The following FNTA variants were observed in gnomAD, a reference collection of about 807,000 sequenced individuals.
The protein encoded by FNTA is farnesyltransferase, CAAX box, subunit alpha.
A neutral mutation model predicts 55.2 loss-of-function variants in FNTA; 27 were observed. That is an observed-to-expected ratio of 0.49 (90% CI 0.36 to 0.67). FNTA has a LOEUF of 0.67. Among genes scored for constraint, FNTA ranks in the 30% least tolerant of loss-of-function variants. The pLI is 0.00. For missense variants in FNTA, 422 were observed against 464.7 expected (o/e 0.91, Z 0.85); for synonymous variants, 176 against 170.7 (o/e 1.03, Z -0.24).
intron 7 of FNTA, among the ~76,000 whole-genome samples, chr8:43,083,736 G>T (rs755865550): frequency 3.3e-5 from 5 of 152,170 alleles, no homozygotes; most frequent in Non-Finnish European, 7.4e-5. Context: ...CAGGGGAGGT[G>T]CCTGTAGTAT....
At chr8:43,063,945 T>A (rs1479727814) in intron 2 of FNTA, among the ~76,000 whole-genome samples, 156 bp from the exon 3 acceptor site, 1 of 152,220 alleles carries the variant, frequency 6.6e-6, no homozygotes, top group East Asian at 1.9e-4. Context: ...TAGGGCATTA[T>A]TAGGGTGGCG....
intron 5 of FNTA, chr8:43,077,015 A>G: frequency 2.4e-6 from 1 of 410,110 alleles, no homozygotes; most frequent in Non-Finnish European, 4.3e-6. Context: ...TGCTTTCTGT[A>G]TGTGTCTTTC....
intron 4 of FNTA, 40 bp downstream of exon 4, chr8:43,069,699 C>T (rs1810743402): frequency 1.6e-6 from 2 of 1,283,748 alleles, no homozygotes; most frequent in East Asian, 2.3e-5. Flanking sequence ...GGCTGGAGTG[C>T]AGTGGCATGA....
chr8:43,081,016 G>A (rs1174679628), intron 6 of FNTA: 4 of 152,174 alleles, frequency 2.6e-5, no homozygotes, highest in South Asian at 2.1e-4. Flanking sequence ...TATTTAAAAT[G>A]TGAAGAGTAG....
At chr8:43,061,436 A>G (rs561563731) in intron 2 of FNTA, among the ~76,000 whole-genome samples, 1 of 152,340 alleles carries the variant, frequency 6.6e-6, no homozygotes, top group South Asian at 2.1e-4. Context: ...CTATAGATGT[A>G]GTAAATTATT....
intron 5 of FNTA, among the ~76,000 whole-genome samples, chr8:43,075,224 G>A (rs576656073): frequency 1.1e-4 from 17 of 152,264 alleles, no homozygotes; most frequent in African/African-American, 4.1e-4. Flanking sequence ...TGAGAACAGT[G>A]GGAGGACACC....
intron 1 of FNTA, among the ~76,000 whole-genome samples, chr8:43,057,562 T>C (rs755036502): frequency 2.0e-5 from 3 of 152,180 alleles, no homozygotes; most frequent in Non-Finnish European, 4.4e-5. Flanking sequence ...GGTCATGATT[T>C]CACTTGTATT....
intron 3 of FNTA, among the ~76,000 whole-genome samples, chr8:43,068,514 T>C (rs998212540): frequency 1.3e-5 from 2 of 152,246 alleles, no homozygotes; most frequent in Non-Finnish European, 2.9e-5. Flanking sequence ...TGTTAATGTT[T>C]ATAATAGAAT....
chr8:43,071,766 A>G (rs1810798511), intron 4 of FNTA, among the ~76,000 whole-genome samples: 1 of 151,874 alleles, frequency 6.6e-6, no homozygotes, highest in African/African-American at 2.4e-5. Context: ...TTGCCAGTGT[A>G]GCAGTAAATT....
At chr8:43,064,437 T>A (rs1440047122) in intron 3 of FNTA, among the ~76,000 whole-genome samples, 1 of 151,646 alleles carries the variant, frequency 6.6e-6, no homozygotes, top group African/African-American at 2.4e-5. Context: ...CTCAGCCTTC[T>A]GAGTAGCTGG....
At position 43,069,594 on chromosome 8, in the gene FNTA, T is replaced by C; in HGVS notation, c.441T>C (p.Asp147=). The change falls in exon 4 of 9, where the codon GAT becomes GAC. Residue 147 remains aspartate, a synonymous_variant. Coordinates refer to ENST00000302279, the MANE Select transcript of FNTA (RefSeq NM_002027.3). The stretch of plus-strand genomic sequence containing the variant: ...TTCTTTTGAAGTCACTTCAGAAGGA[T>C]CTACATGAGGAAATGAACTACATCA... ...RRVLLKSLQK[D]LHEEMNYITA... is the part of the protein sequence containing the mutation. The C allele has an allele frequency of 6.2e-7, 1 of 1,613,694 alleles. No homozygotes were observed. Among genetic ancestry groups the C allele is most frequent in the Non-Finnish European group, 8.5e-7 (1 of 1,179,654 alleles).
At chr8:43,062,560 G>A (rs1383622269) in intron 2 of FNTA, among the ~76,000 whole-genome samples, 1 of 152,152 alleles carries the variant, frequency 6.6e-6, no homozygotes, top group Non-Finnish European at 1.5e-5. Flanking sequence ...GAGATTACAG[G>A]CCTGAGCCAC....
At chr8:43,079,915 G>A (rs903652328) in intron 6 of FNTA, 10 of 154,634 alleles carry the variant, frequency 6.5e-5, no homozygotes, top group African/African-American at 2.4e-4. Flanking sequence ...TTTAGAGGAA[G>A]AAGGAACTGC....
rs943142783 is a variant in FNTA at position 43,069,763 on chromosome 8, G to T, written c.506+104G>T. ...GGGTTCAAGTGATTCTCCAGCTTCA[G>T]CCTCCTGGGTAGCTGGGATTACAGG... On this transcript the variant is annotated intron_variant, in intron 4 of 8. Coordinates refer to ENST00000302279, the MANE Select transcript of FNTA (RefSeq NM_002027.3). 2.6e-5 allele frequency: 18 copies of T among 682,934 alleles called. No individual in the cohort carries two copies. In the African/African-American group the frequency reaches 2.9e-4, roughly 11 times the overall value. 42.3% of individuals were successfully genotyped at this position (682,934 alleles called of 1,614,324 possible).
At chr8:43,083,562 T>A (rs77670593) in intron 7 of FNTA, among the ~76,000 whole-genome samples, 1,574 of 152,310 alleles carry the variant, frequency 0.01, 42 homozygotes, top group South Asian at 0.095. Context: ...TCTGTTTTCA[T>A]TTCTAGAGAT....
intron 3 of FNTA, among the ~76,000 whole-genome samples, chr8:43,066,171 C>T (rs372537754): frequency 6.0e-5 from 9 of 149,858 alleles, no homozygotes; most frequent in African/African-American, 2.2e-4. Flanking sequence ...ATAATTTCAT[C>T]AATTTTATTT....
Position 43,056,365 on chromosome 8 carries a change from G to T in FNTA, c.19G>T (p.Val7Phe), listed in dbSNP as rs1028835405. 5.0e-5 allele frequency: 72 copies of T among 1,453,924 alleles called. No homozygotes were observed. The highest frequency in any genetic ancestry group is 7.6e-5 in the Admixed American group (3 of 39,274). The allele number at this position is 1,453,924 out of a possible 1,614,324, so 90.1% of individuals were successfully genotyped here. ...AGGCGAGATGGCGGCCACCGAGGGG[G>T]TCGGGGAGGCTGCGCAAGGGGGCGA... MAATEG[V>F]GEAAQGGEPG... Residue 7 changes from valine to phenylalanine, a missense_variant, in exon 1 of 9, where the codon GTC (valine) becomes TTC (phenylalanine). Val to Phe is a conservative substitution (Grantham distance 50). Transcript: ENST00000302279.
chr8:43,084,088 G>C (rs1045285065), intron 7 of FNTA, among the ~76,000 whole-genome samples: 1 of 151,496 alleles, frequency 6.6e-6, no homozygotes. Flanking sequence ...AAAAAAAGAA[G>C]AACATCTCTC....
chr8:43,074,016 A>G (rs1445087861), intron 5 of FNTA, among the ~76,000 whole-genome samples: 2 of 152,218 alleles, frequency 1.3e-5, no homozygotes, highest in East Asian at 3.8e-4. Flanking sequence ...TGACATATAT[A>G]TTAAAAACGT....
Sources: allele counts gnomAD v4.1 joint callset (sites outside exome capture counted in the v4.1 genomes callset), GRCh38; gene constraint gnomAD v4.1.1; transcripts MANE v1.5; gene names NCBI Gene and HGNC (gene_info 2026-07-23, HGNC 2026-07-21).